Variants in KAZN observed in about 807,000 individuals in gnomAD.
KAZN encodes kazrin, periplakin interacting protein, also known as kazrin.
In KAZN, 40 loss-of-function variants were observed where a neutral mutation model predicts 87.4. The ratio of observed to expected loss-of-function variants is 0.46; its 90% CI spans 0.36 to 0.60. The LOEUF is 0.60. Ranked by LOEUF, KAZN falls within the 20% of genes least tolerant of loss-of-function variation. The probability of loss-of-function intolerance (pLI) is 0.00; values close to 1 mark genes in which losing one functional copy is unlikely to be tolerated. For missense variants in KAZN, 898 were observed against 1,073.9 expected, an observed-to-expected ratio of 0.84 and a Z score of 2.29; for synonymous variants, 466 against 458.3, an observed-to-expected ratio of 1.02 and a Z score of -0.22.
At chr1:14,716,170 C>CGT (rs142759918) in intron 1 of KAZN, among the ~76,000 whole-genome samples, 6 of 151,902 alleles carry the variant, frequency 3.9e-5, no homozygotes, top group Admixed American at 6.6e-5. Context: ...TGTATGTACA[C>CGT]GTGTGTGTGT....
chr1:14,660,127 G>A (rs1639056193), intron 1 of KAZN, among the ~76,000 whole-genome samples: 2 of 152,136 alleles, frequency 1.3e-5, no homozygotes, highest in African/African-American at 2.4e-5. Context: ...AGTGGGGCTG[G>A]GAGGGGAAGG....
At chr1:14,034,508 G>T (rs1345731518) in intron 1 of KAZN, among the ~76,000 whole-genome samples, 1 of 152,154 alleles carries the variant, frequency 6.6e-6, no homozygotes, top group East Asian at 1.9e-4. Flanking sequence ...TGTCGAGCTG[G>T]GTCACGCACA....
At chr1:14,460,567 A>G (rs1261102499) in intron 2 of KAZN, among the ~76,000 whole-genome samples, 1 of 152,148 alleles carries the variant, frequency 6.6e-6, no homozygotes, top group Non-Finnish European at 1.5e-5. Context: ...ATCACTCAGT[A>G]ATTACTGCAG....
intron 2 of KAZN, among the ~76,000 whole-genome samples, chr1:14,355,303 G>C (rs1332221658): frequency 6.6e-6 from 1 of 152,008 alleles, no homozygotes; most frequent in Non-Finnish European, 1.5e-5. Flanking sequence ...TAAGATCTAT[G>C]CATTTTACTA....
At chr1:14,733,551 G>A (rs1643778361) in intron 1 of KAZN, among the ~76,000 whole-genome samples, 1 of 152,088 alleles carries the variant, frequency 6.6e-6, no homozygotes, top group South Asian at 2.1e-4. Flanking sequence ...TTCCTGGGAG[G>A]TGTCCGGATG....
chr1:14,902,966 C>T (rs1188191890), intron 1 of KAZN, among the ~76,000 whole-genome samples: 1 of 150,070 alleles, frequency 6.7e-6, no homozygotes, highest in African/African-American at 2.5e-5. Context: ...CTCCCAGGTT[C>T]AAGCAATTCT....
chr1:13,959,034 C>T (rs1257976021), intron 1 of KAZN, among the ~76,000 whole-genome samples: 1 of 152,170 alleles, frequency 6.6e-6, no homozygotes. Context: ...GTCTTGCTTT[C>T]CATTTTCACT....
At chr1:14,034,098 A>G (rs1242112997) in intron 1 of KAZN, among the ~76,000 whole-genome samples, 1 of 152,216 alleles carries the variant, frequency 6.6e-6, no homozygotes, top group African/African-American at 2.4e-5. Flanking sequence ...ATGTCATCTA[A>G]ATGTAAATCT....
intron 2 of KAZN, among the ~76,000 whole-genome samples, chr1:14,406,336 A>G (rs1418473563): frequency 6.6e-6 from 1 of 152,210 alleles, no homozygotes; most frequent in Non-Finnish European, 1.5e-5. Context: ...ATATATATAC[A>G]CACAATGGAA....
At chr1:14,375,297 G>A in intron 2 of KAZN, among the ~76,000 whole-genome samples, 1 of 152,050 alleles carries the variant, frequency 6.6e-6, no homozygotes, top group East Asian at 1.9e-4. Flanking sequence ...CACTAGGAAG[G>A]CCCCAGGTAT....
At chr1:14,117,712 G>C (rs1386400067) in intron 1 of KAZN, among the ~76,000 whole-genome samples, 1 of 152,136 alleles carries the variant, frequency 6.6e-6, no homozygotes, top group Non-Finnish European at 1.5e-5. Context: ...GCCTGGCCAT[G>C]TCACTTAGCC....
intron 2 of KAZN, among the ~76,000 whole-genome samples, chr1:14,387,084 C>G (rs1430370423): frequency 6.6e-6 from 1 of 152,150 alleles, no homozygotes; most frequent in African/African-American, 2.4e-5. Flanking sequence ...CGCTGATACC[C>G]TTTCTTCCAG....
chr1:14,738,640 C>T (rs1188128934), intron 1 of KAZN, among the ~76,000 whole-genome samples: 3 of 152,016 alleles, frequency 2.0e-5, no homozygotes, highest in Non-Finnish European at 1.5e-5. Context: ...GAGGTAAGTC[C>T]AGGCAGGTAA....
intron 1 of KAZN, chr1:14,930,045 G>A: frequency 1.0e-6 from 1 of 985,596 alleles, no homozygotes; most frequent in Non-Finnish European, 1.2e-6. Flanking sequence ...AGTGTGACAG[G>A]TACGTGAGTG....
At chr1:13,937,279 C>A (rs1197528501) in intron 1 of KAZN, among the ~76,000 whole-genome samples, 1 of 152,182 alleles carries the variant, frequency 6.6e-6, no homozygotes, top group Non-Finnish European at 1.5e-5. Context: ...CTCCCGACCT[C>A]GTGATCCGCC....
intron 2 of KAZN, among the ~76,000 whole-genome samples, chr1:14,318,723 C>T (rs113698690): frequency 0.024 from 3,649 of 152,150 alleles, 156 homozygotes; most frequent in African/African-American, 0.083. Context: ...TGCCCATGTT[C>T]CCTTCTGTGC....
chr1:14,405,606 A>ATATGTGTGTGTGTGTGTGTGTG (rs760881462), intron 2 of KAZN, among the ~76,000 whole-genome samples: 2 of 136,220 alleles, frequency 1.5e-5, no homozygotes, highest in African/African-American at 5.3e-5. Flanking sequence ...ACCCAATAAA[A>ATATGTGTGTGTGTGTGTGTGTG]TGTGTGTGTG....
At chr1:14,559,807 C>T (rs1378999942) in intron 2 of KAZN, among the ~76,000 whole-genome samples, 1 of 152,198 alleles carries the variant, frequency 6.6e-6, no homozygotes, top group Non-Finnish European at 1.5e-5. Context: ...CTGCGTGCAA[C>T]TCCTTGTGTG....
chr1:14,859,538 A>AT (rs1224526439), intron 1 of KAZN, among the ~76,000 whole-genome samples: 1 of 152,040 alleles, frequency 6.6e-6, no homozygotes, highest in Non-Finnish European at 1.5e-5. Flanking sequence ...GATCTCCTTA[A>AT]TCTTTAACTT....
Sources: allele counts gnomAD v4.1 joint callset (sites outside exome capture counted in the v4.1 genomes callset), GRCh38; gene constraint gnomAD v4.1.1; transcripts MANE v1.5; gene names NCBI Gene and HGNC (gene_info 2026-07-23, HGNC 2026-07-21).